NCOR2: variants seen among roughly 807,000 people sequenced by gnomAD.
NCOR2 encodes nuclear receptor corepressor 2.
Under a neutral mutation model 262.9 loss-of-function variants are expected in NCOR2, and 81 were observed. That is an observed-to-expected ratio of 0.31 (90% CI 0.26 to 0.37). NCOR2 has a LOEUF of 0.37. Ranked by LOEUF, NCOR2 falls within the 10% of genes least tolerant of loss-of-function variation. NCOR2 has a pLI of 1.00. For missense variants in NCOR2, 3,385 were observed against 3,621.4 expected, an observed-to-expected ratio of 0.93 and a Z score of 1.68; for synonymous variants, 1,659 against 1,559.3, an observed-to-expected ratio of 1.06 and a Z score of -1.51.
chr12:124,534,664 G>A (rs1358322317), intron 1 of NCOR2, among the ~76,000 whole-genome samples: 16 of 152,182 alleles, frequency 1.1e-4, no homozygotes, highest in African/African-American at 3.9e-4. Flanking sequence ...TGCCCTCAGC[G>A]ACCATCTGCC....
At chr12:124,491,963 C>A (rs146169787) in intron 1 of NCOR2, among the ~76,000 whole-genome samples, 22 of 152,312 alleles carry the variant, frequency 1.4e-4, no homozygotes, top group Admixed American at 3.3e-4. Context: ...TGGAGCATGG[C>A]TGAGGCTGAG....
intron 8 of NCOR2, 47 bp from the exon 11 acceptor site, chr12:124,430,834 AC>A (rs2043868271): frequency 6.5e-7 from 1 of 1,545,778 alleles, no homozygotes; most frequent in Admixed American, 1.9e-5. Context: ...TGCACCTGGC[AC>A]CCGCCGCCTC....
rs1306471449 is a variant in NCOR2, at chr12:124,373,407, A to G, written c.2219-797T>C. On this transcript the variant is annotated intron_variant, in intron 19 of 46. Transcript: ENST00000405201. ...GCAGGGGCCCCGGGCACAGTGGACA[A>G]TCACGAGGCCAGTGCGTGCGCAGGG... Among the ~76,000 whole-genome samples, 41 of 116,706 alleles carry G rather than the reference A, an allele frequency of 3.5e-4. 1 individual carries two copies. The East Asian group carries it at 4.9e-3, about 14-fold the overall frequency. The allele number at this position is 116,706 out of a possible 152,430, so 76.6% of individuals were successfully genotyped here.
rs990595711 is a variant in NCOR2, at chr12:124,325,491, C to T, written c.7456G>A (p.Gly2486Arg). 4 of 1,348,828 alleles carry T rather than the reference C, an allele frequency of 3.0e-6. No individual in the cohort carries two copies. Among genetic ancestry groups the T allele is most frequent in the Admixed American group, 4.0e-5 (1 of 25,208 alleles). The allele number at this position is 1,348,828 out of a possible 1,614,324, so 83.6% of individuals were successfully genotyped here. Residue 2486 changes from glycine to arginine, a missense_variant, in exon 47 of 47, where the codon GGG (glycine) becomes AGG (arginine). Physicochemically the swap from Gly to Arg is moderately radical, Grantham distance 125 (BLOSUM62 -2). Around this residue, in one of 5 missense-constraint regions of NCOR2, gnomAD observed 1,017 missense variants for 967.2 expected, o/e 1.05. Coordinates refer to ENST00000405201, the Ensembl canonical transcript of NCOR2. ...GCGTGGTGGGGGCCAGCGAGGGGCCCGCTGCCCGCGGGGAGGCCCGGTGGG... is the reference window on the plus strand; with the variant it reads ...GCGTGGTGGGGGCCAGCGAGGGGCCTGCTGCCCGCGGGGAGGCCCGGTGGG...
At chr12:124,560,402 A>G (rs574420489) in intron 1 of NCOR2, among the ~76,000 whole-genome samples, 1 of 152,384 alleles carries the variant, frequency 6.6e-6, no homozygotes, top group South Asian at 2.1e-4. Flanking sequence ...ATGTCATAAA[A>G]TATTATTCTT....
exon 28 of NCOR2, chr12:124,350,595 G>A (rs2037370401): frequency 1.2e-6 from 2 of 1,613,546 alleles, no homozygotes; most frequent in Non-Finnish European, 1.7e-6. Context: ...ACCCTCATAG[G>A]ACAAGACGTG....
chr12:124,406,685 C>T (rs899219359), intron 13 of NCOR2, among the ~76,000 whole-genome samples: 1 of 152,114 alleles, frequency 6.6e-6, no homozygotes, highest in Non-Finnish European at 1.5e-5. Context: ...AGAAACATCC[C>T]CCCAAACCAC....
At chr12:124,505,076 C>A (rs2048971060) in intron 1 of NCOR2, among the ~76,000 whole-genome samples, 1 of 152,210 alleles carries the variant, frequency 6.6e-6, no homozygotes, top group Non-Finnish European at 1.5e-5. Context: ...ACTGAGGTTC[C>A]AGCCATGGCC....
intron 4 of NCOR2, among the ~76,000 whole-genome samples, chr12:124,471,215 T>C (rs1272462412): frequency 6.6e-6 from 1 of 152,156 alleles, no homozygotes; most frequent in Non-Finnish European, 1.5e-5. Context: ...GGAGCGTCCT[T>C]CAAAACCCAG....
upstream of NCOR2, among the ~76,000 whole-genome samples, chr12:124,496,170 G>C (rs1475706287): frequency 6.6e-6 from 1 of 151,866 alleles, no homozygotes; most frequent in Non-Finnish European, 1.5e-5. The surrounding 1 kb of genome is among the most constrained non-coding windows in gnomAD (Gnocchi z 4.4). Flanking sequence ...ACACGGCCCA[G>C]CAAGGGAGCC....
chr12:124,450,489 A>G (rs1273170819), intron 6 of NCOR2, among the ~76,000 whole-genome samples: 1 of 152,152 alleles, frequency 6.6e-6, no homozygotes, highest in East Asian at 1.9e-4. Flanking sequence ...CTCCACCAGG[A>G]GACGGGCGCT....
exon 22 of NCOR2, chr12:124,362,184 C>A: frequency 7.6e-7 from 1 of 1,310,098 alleles, no homozygotes; most frequent in Admixed American, 2.9e-5. Flanking sequence ...TGCTGCCAGG[C>A]TGCTGAGGGG....
chr12:124,356,877 C>A, intron 22 of NCOR2, 95 bp from the exon 25 acceptor site: 1 of 1,358,990 alleles, frequency 7.4e-7, no homozygotes, highest in Non-Finnish European at 9.6e-7. Context: ...CCTTCCTGCA[C>A]CCACAGTAGT....
chr12:124,326,598 G>C (rs2034671373), intron 45 of NCOR2, among the ~76,000 whole-genome samples: 1 of 152,184 alleles, frequency 6.6e-6, no homozygotes. Flanking sequence ...TGCTGGGCAG[G>C]GGGAGGTGGC....
At position 124,340,757 on chromosome 12, in the gene NCOR2, G is replaced by A. The variant is rs2036388326; in HGVS notation, c.5189-6C>T. 3 of 1,532,280 alleles carry A rather than the reference G, an allele frequency of 2.0e-6. No individual in the cohort carries two copies. The highest frequency in any genetic ancestry group is 1.4e-5 in the African/African-American group (1 of 71,656). The allele number at this position is 1,532,280 out of a possible 1,614,324, so 94.9% of individuals were successfully genotyped here. A position where few individuals can be genotyped will look rare whatever the true frequency, so the allele number is the denominator to read the frequency against. Reference sequence around the variant, plus strand: ...TTGGGACAGGTCGATGATGCCTGCGGGAGGTGTTGGGCCAGGGCTGTAGCC... The same window carrying A: ...TTGGGACAGGTCGATGATGCCTGCGAGAGGTGTTGGGCCAGGGCTGTAGCC... On this transcript the variant is annotated splice_polypyrimidine_tract_variant and splice_region_variant and intron_variant, in intron 34 of 46. Transcript: ENST00000405201.
intron 8 of NCOR2, among the ~76,000 whole-genome samples, chr12:124,432,000 A>G (rs750374587): frequency 1.3e-5 from 2 of 151,910 alleles, no homozygotes; most frequent in Non-Finnish European, 2.9e-5. Context: ...ACACATGGTC[A>G]TGCAGGCAGA....
intron 13 of NCOR2, among the ~76,000 whole-genome samples, chr12:124,405,548 G>A (rs555704579): frequency 6.6e-6 from 1 of 152,398 alleles, no homozygotes; most frequent in South Asian, 2.1e-4. Flanking sequence ...GGTGGGGGAA[G>A]ATGAAAAGGA....
chr12:124,515,389 A>G (rs1211174049), intron 1 of NCOR2, among the ~76,000 whole-genome samples: 1 of 152,088 alleles, frequency 6.6e-6, no homozygotes. Context: ...GGAAAAAAAA[A>G]AAAAAATCAA....
chr12:124,479,196 GC>G (rs2136752388), intron 3 of NCOR2, among the ~76,000 whole-genome samples: 1 of 152,322 alleles, frequency 6.6e-6, no homozygotes, highest in Admixed American at 6.5e-5. Flanking sequence ...CCAAGGCTGG[GC>G]CCTGAGCTGC....
Sources: gnomAD v4.1 joint callset for allele counts (sites outside exome capture counted in the v4.1 genomes callset) on GRCh38, gnomAD v4.1.1 for gene constraint, gnomAD v4.1.1 regional missense constraint, Gnocchi (gnomAD v3.1) non-coding constraint, MANE v1.5 for transcripts, NCBI Gene and HGNC (gene_info 2026-07-23, HGNC 2026-07-21) for gene names.